The following FBN2 variants were observed in gnomAD, a reference collection of about 807,000 sequenced individuals.
The protein encoded by FBN2 is fibrillin 2, also known as fibrillin-2.
A neutral mutation model predicts 355.6 loss-of-function variants in FBN2; 105 were observed. That is an observed-to-expected ratio of 0.30 (90% CI 0.25 to 0.35). The LOEUF (loss-of-function observed/expected upper bound fraction) is 0.35, where lower values mean the gene tolerates loss of function less well. Among genes scored for constraint, FBN2 ranks in the 10% least tolerant of loss-of-function variants. FBN2 has a pLI of 1.00. For synonymous variants in FBN2, 1,350 were observed against 1,301.2 expected (o/e 1.04, Z -0.81); for missense variants, 3,280 against 3,758.7 (o/e 0.87, Z 3.33).
chr5:128,537,644 G>C lies in FBN2; in HGVS notation c.-41C>G. 1 of 1,588,352 alleles carries C rather than the reference G, an allele frequency of 6.3e-7. No homozygotes were observed. The highest frequency in any genetic ancestry group is 8.6e-7 in the Non-Finnish European group (1 of 1,165,902). On this transcript the variant is annotated 5_prime_UTR_variant, in exon 1 of 65. Transcript: ENST00000262464. ...CGCGCGGCCGTAGACCCGCGGAGAGGGAGTGATCAAAGACAAAATCTGCGC... is the reference window on the plus strand; with the variant it reads ...CGCGCGGCCGTAGACCCGCGGAGAGCGAGTGATCAAAGACAAAATCTGCGC...
At chr5:128,316,936 T>C (rs1056423149) in intron 36 of FBN2, among the ~76,000 whole-genome samples, 1 of 152,210 alleles carries the variant, frequency 6.6e-6, no homozygotes, top group Non-Finnish European at 1.5e-5. Context: ...GAGTTTACTA[T>C]GCAGCCTGGG....
At chr5:128,334,990 T>C (rs1026981804) in intron 30 of FBN2, 146 bp from the exon 31 acceptor site, 1 of 1,174,336 alleles carries the variant, frequency 8.5e-7, no homozygotes, top group Non-Finnish European at 1.2e-6. Context: ...TAGATAAATA[T>C]ACAACCTGCC....
At chr5:128,264,233 A>C (rs997688506) in intron 62 of FBN2, among the ~76,000 whole-genome samples, 2 of 152,204 alleles carry the variant, frequency 1.3e-5, no homozygotes, top group Admixed American at 6.5e-5. Context: ...TTCCCCCAGC[A>C]ATTCCCCAAA....
intron 5 of FBN2, among the ~76,000 whole-genome samples, chr5:128,502,633 T>C (rs985075842): frequency 6.6e-6 from 1 of 152,164 alleles, no homozygotes; most frequent in Non-Finnish European, 1.5e-5. Flanking sequence ...ACTCCCCTTA[T>C]GGTGGAGAGA....
intron 15 of FBN2, among the ~76,000 whole-genome samples, chr5:128,373,679 TAAATGTATTTTTACCACTCATTCTG>T (rs1752006773): frequency 6.6e-6 from 1 of 152,170 alleles, no homozygotes. Context: ...AAAACTGCAT[TAAATGTATTTTTACCACTCATTCTG>T]CTATCCTTAT....
chr5:128,344,912 G>A (rs1751129960), intron 24 of FBN2, among the ~76,000 whole-genome samples: 1 of 151,390 alleles, frequency 6.6e-6, no homozygotes, highest in African/African-American at 2.4e-5. Context: ...TGTTGGTCAG[G>A]CTGGTCTTGA....
Position 128,258,056 on chromosome 5 carries a change from A to G in FBN2, c.*1399T>C, listed in dbSNP as rs987504226. Reference sequence around the variant, plus strand: ...TCCTTTTTTCTTTTTAGTTATTAAAAAAACAATAAAACCTCAAAATACTGG... The same window carrying G: ...TCCTTTTTTCTTTTTAGTTATTAAAGAAACAATAAAACCTCAAAATACTGG... On this transcript the variant is annotated 3_prime_UTR_variant, in exon 65 of 65. Transcript: ENST00000262464. 14 of 152,728 alleles carry G rather than the reference A, an allele frequency of 9.2e-5. No homozygotes were observed. The highest frequency in any genetic ancestry group is 4.6e-4 in the Admixed American group (7 of 15,302). The allele number at this position is 152,728 out of a possible 1,614,324, so 9.5% of individuals were successfully genotyped here. A position where few individuals can be genotyped will look rare whatever the true frequency, so the allele number is the denominator to read the frequency against.
At chr5:128,494,428 A>G (rs1235553720) in intron 5 of FBN2, among the ~76,000 whole-genome samples, 6 of 152,218 alleles carry the variant, frequency 3.9e-5, no homozygotes, top group Admixed American at 6.5e-5. Context: ...GAGACAGCTA[A>G]GAAGTCTTTT....
intron 34 of FBN2, among the ~76,000 whole-genome samples, chr5:128,322,976 A>G (rs1206943172): frequency 6.6e-6 from 1 of 152,136 alleles, no homozygotes; most frequent in East Asian, 1.9e-4. Context: ...CTCCTTTAAG[A>G]GGCCCTTCAC....
intron 25 of FBN2, among the ~76,000 whole-genome samples, chr5:128,340,712 T>A (rs1363393520): frequency 6.6e-6 from 1 of 152,156 alleles, no homozygotes; most frequent in Non-Finnish European, 1.5e-5. Flanking sequence ...GTGCCTCAAT[T>A]TCCTTATTTG....
chr5:128,401,555 G>A (rs2126990651), intron 8 of FBN2, among the ~76,000 whole-genome samples: 1 of 152,198 alleles, frequency 6.6e-6, no homozygotes, highest in African/African-American at 2.4e-5. Context: ...GGCCGAGGTG[G>A]GTGGATCACA....
chr5:128,410,008 C>T (rs370474549), intron 7 of FBN2, among the ~76,000 whole-genome samples: 13 of 152,240 alleles, frequency 8.5e-5, no homozygotes, highest in South Asian at 4.1e-4. Flanking sequence ...AATAACTATA[C>T]GCTGTGTGTC....
intron 16 of FBN2, among the ~76,000 whole-genome samples, chr5:128,368,071 C>T (rs897281590): frequency 2.6e-5 from 4 of 152,006 alleles, no homozygotes; most frequent in African/African-American, 9.7e-5. Flanking sequence ...CTTTGAGGTC[C>T]TTCCCAGCTT....
At chr5:128,455,080 A>C (rs1754346425) in intron 6 of FBN2, among the ~76,000 whole-genome samples, 1 of 152,202 alleles carries the variant, frequency 6.6e-6, no homozygotes, top group African/African-American at 2.4e-5. Context: ...AAAAGATCCA[A>C]AGCCAAGTAC....
At chr5:128,404,605 T>C (rs1360868542) in intron 8 of FBN2, among the ~76,000 whole-genome samples, 18 of 152,228 alleles carry the variant, frequency 1.2e-4, no homozygotes, top group Admixed American at 1.2e-3. Context: ...ATTCATTCAT[T>C]TGCTGGTTTT....
chr5:128,505,638 T>C (rs1374310162), intron 5 of FBN2, among the ~76,000 whole-genome samples: 2 of 152,158 alleles, frequency 1.3e-5, no homozygotes, highest in African/African-American at 2.4e-5. Context: ...ATCCATACCT[T>C]TGCATCCCTA....
chr5:128,286,582 G>A, intron 55 of FBN2, 136 bp downstream of exon 55: 1 of 1,030,020 alleles, frequency 9.7e-7, no homozygotes, highest in Non-Finnish European at 1.5e-6. Context: ...TGAGATGGAA[G>A]AAAGCTAGCT....
chr5:128,301,523 A>G lies in FBN2; in HGVS notation c.5918-13T>C. 6.2e-7 allele frequency: 1 copy of G among 1,612,310 alleles called. No homozygotes were observed. On this transcript the variant is annotated splice_polypyrimidine_tract_variant and intron_variant, in intron 46 of 64. Coordinates refer to ENST00000262464, the MANE Select transcript of FBN2 (RefSeq NM_001999.4). ...CACTCATCTATGTCTGTAAGCAAAC[A>G]GGAGTATGTTTTTCAGAAAGAGCTC... is the stretch of plus-strand genomic sequence containing the variant.
intron 17 of FBN2, chr5:128,365,333 T>C (rs1751739292): frequency 6.6e-6 from 1 of 152,472 alleles, no homozygotes; most frequent in African/African-American, 2.4e-5. Flanking sequence ...ACTGATGTGC[T>C]TGTATGAATG....
Sources: gnomAD v4.1 joint callset for allele counts (sites outside exome capture counted in the v4.1 genomes callset) on GRCh38, gnomAD v4.1.1 for gene constraint, MANE v1.5 for transcripts, NCBI Gene and HGNC (gene_info 2026-07-23, HGNC 2026-07-21) for gene names.